The following CMC1 variants were observed in gnomAD, a reference collection of about 807,000 sequenced individuals.
The protein encoded by CMC1 is C-X9-C motif containing 1.
A neutral mutation model predicts 14.1 loss-of-function variants in CMC1; 14 were observed. The observed-to-expected ratio is 0.99, with a 90% CI of 0.66 to 1.55. The LOEUF (loss-of-function observed/expected upper bound fraction) is 1.55. Ranked by LOEUF, CMC1 falls within the 40% of genes most tolerant of loss-of-function variation. The probability of loss-of-function intolerance (pLI) is 0.00; values close to 1 mark genes in which losing one functional copy is unlikely to be tolerated. For missense variants in CMC1, 127 were observed against 123.8 expected (o/e 1.03, Z -0.12); for synonymous variants, 50 against 38.4 (o/e 1.30, Z -1.12).
chr3:28,253,070 T>C (rs1032575460), intron 1 of CMC1, among the ~76,000 whole-genome samples: 4 of 152,192 alleles, frequency 2.6e-5, no homozygotes, highest in Admixed American at 1.3e-4. Context: ...TTTTACTCTG[T>C]CGTTATAGCA....
chr3:28,305,773 A>G (rs1160929208), intron 2 of CMC1, among the ~76,000 whole-genome samples: 2 of 97,474 alleles, frequency 2.1e-5, no homozygotes, highest in African/African-American at 4.4e-5. Flanking sequence ...AGAGTTTTTC[A>G]TAGGAATTTT....
intron 2 of CMC1, among the ~76,000 whole-genome samples, chr3:28,279,715 A>C (rs916528674): frequency 2.0e-5 from 3 of 152,170 alleles, no homozygotes; most frequent in Non-Finnish European, 4.4e-5. Flanking sequence ...TCATAACCTA[A>C]AGATAGATCA....
intron 2 of CMC1, among the ~76,000 whole-genome samples, chr3:28,311,191 G>A (rs1313483196): frequency 6.6e-6 from 1 of 151,766 alleles, no homozygotes; most frequent in African/African-American, 2.4e-5. Flanking sequence ...AGGGATGGGT[G>A]GCTAGAATGT....
At chr3:28,263,016 G>T in intron 1 of CMC1, 1 of 290,194 alleles carries the variant, frequency 3.4e-6, no homozygotes. Flanking sequence ...TGACAAGATT[G>T]CATGGAATAT....
In CMC1 at chr3:28,281,624, T is replaced by G. The variant is rs959939267; in HGVS notation, c.109+18244T>G. ...GTCTGAGACTTGCTTTTGAGTACCT[T>G]ATTGTGTGGTTGATAAGAGACAAAC... On this transcript the variant is annotated intron_variant, in intron 2 of 3. Coordinates refer to ENST00000466830, the MANE Select transcript of CMC1 (RefSeq NM_182523.2). Among the ~76,000 whole-genome samples, 6 of 152,260 alleles carry G rather than the reference T, an allele frequency of 3.9e-5. No homozygotes were observed. The East Asian group carries it at 1.2e-3, about 29-fold the overall frequency.
At chr3:28,317,733 G>C (rs1171607923) in intron 3 of CMC1, 1 of 151,958 alleles carries the variant, frequency 6.6e-6, no homozygotes, top group African/African-American at 2.4e-5. Context: ...CCTTAGGCAG[G>C]CTCCTCATTG....
At chr3:28,275,431 G>A (rs1220744609) in intron 2 of CMC1, among the ~76,000 whole-genome samples, 2 of 146,316 alleles carry the variant, frequency 1.4e-5, no homozygotes, top group African/African-American at 5.1e-5. Context: ...TTTCCCTCCT[G>A]CATCTGAAGG....
chr3:28,263,287 TCAGACCA>T lies in CMC1; in HGVS notation c.20-3_23del. 1 of 1,587,866 alleles carries T rather than the reference TCAGACCA, an allele frequency of 6.3e-7. No individual in the cohort carries two copies. Among genetic ancestry groups the T allele is most frequent in the Admixed American group, 1.8e-5 (1 of 54,820 alleles). ...TTATTAAAGAAAGATCTTTTTTTTT[TCAGACCA>T]GCATCTCAGACATGTCGAAAAAGAT... On this transcript the variant is annotated splice_acceptor_variant and splice_polypyrimidine_tract_variant and coding_sequence_variant and intron_variant, in exon 2 of 4. Transcript: ENST00000466830. LOFTEE classifies it high-confidence loss of function.
At position 28,322,226 on chromosome 3, in the gene CMC1, T is replaced by C. The variant is rs546713295; in HGVS notation, c.*2597T>C. ...TGATAGCTATCATCACTGTACTGTT[T>C]AAATGGAAAATAATTTTCTCCACTC... On this transcript the variant is annotated 3_prime_UTR_variant, in exon 4 of 4. Transcript: ENST00000466830. 1 of 151,372 alleles carries C rather than the reference T, an allele frequency of 6.6e-6. No homozygotes were observed. Among genetic ancestry groups the C allele is most frequent in the African/African-American group, 2.4e-5 (1 of 41,460 alleles). 9.4% of individuals were successfully genotyped at this position (151,372 alleles called of 1,614,324 possible).
rs528334801 is a variant in CMC1 at position 28,293,837 on chromosome 3, C to T, written c.110-22496C>T. ...GCTCAAGCGATCCGACTGCCTCAGC[C>T]TCCCAAAATGTTGGGATTACAGGCA... On this transcript the variant is annotated intron_variant, in intron 2 of 3. Coordinates refer to ENST00000466830, the MANE Select transcript of CMC1 (RefSeq NM_182523.2). 2.2e-4 allele frequency among the ~76,000 whole-genome samples: 33 copies of T among 152,254 alleles called. 1 individual carries two copies. In the South Asian group the frequency reaches 6.8e-3, roughly 32 times the overall value.
intron 3 of CMC1, chr3:28,319,060 A>C (rs1034367467): frequency 2.9e-6 from 1 of 344,892 alleles, no homozygotes; most frequent in African/African-American, 2.2e-5. Flanking sequence ...TCCTGCATTA[A>C]TTTTTCCTCA....
chr3:28,254,809 A>G (rs1473409875), intron 1 of CMC1, among the ~76,000 whole-genome samples: 1 of 152,234 alleles, frequency 6.6e-6, no homozygotes, highest in African/African-American at 2.4e-5. Context: ...AATTTTGAAA[A>G]AATTTTGTAA....
chr3:28,305,732 C>T (rs1307902993), intron 2 of CMC1, among the ~76,000 whole-genome samples: 1 of 135,048 alleles, frequency 7.4e-6, no homozygotes, highest in Non-Finnish European at 1.6e-5. Context: ...AGATCTTAGT[C>T]ATAAATTTTT....
At chr3:28,254,838 C>A (rs1699309987) in intron 1 of CMC1, among the ~76,000 whole-genome samples, 2 of 152,144 alleles carry the variant, frequency 1.3e-5, no homozygotes, top group South Asian at 4.1e-4. Flanking sequence ...AATCCAATGT[C>A]TTCTAATCTG....
intron 2 of CMC1, among the ~76,000 whole-genome samples, chr3:28,282,032 T>TA (rs559105560): frequency 3.9e-5 from 6 of 152,024 alleles, no homozygotes; most frequent in Admixed American, 6.6e-5. Context: ...GATTTCTGGT[T>TA]AAAAAAAATC....
chr3:28,308,954 G>T (rs551490425), intron 2 of CMC1, among the ~76,000 whole-genome samples: 3 of 149,958 alleles, frequency 2.0e-5, no homozygotes, highest in African/African-American at 7.4e-5. Context: ...CTGCACTCCA[G>T]CCCGGCGACG....
intron 2 of CMC1, among the ~76,000 whole-genome samples, chr3:28,286,895 C>G (rs1379165728): frequency 6.6e-6 from 1 of 151,940 alleles, no homozygotes; most frequent in East Asian, 1.9e-4. Context: ...TCTGTTAGAG[C>G]CTGACTGGTC....
intron 2 of CMC1, among the ~76,000 whole-genome samples, chr3:28,278,803 C>A (rs1307892632): frequency 6.6e-6 from 1 of 152,142 alleles, no homozygotes; most frequent in Non-Finnish European, 1.5e-5. Context: ...TTATTCCCAA[C>A]CTAGTGTGTT....
At chr3:28,305,594 T>G (rs1450468728) in intron 2 of CMC1, among the ~76,000 whole-genome samples, 1 of 152,116 alleles carries the variant, frequency 6.6e-6, no homozygotes, top group African/African-American at 2.4e-5. Flanking sequence ...GATGCATAGT[T>G]TGCAAGTATT....
Sources: allele counts gnomAD v4.1 joint callset (sites outside exome capture counted in the v4.1 genomes callset), GRCh38; gene constraint gnomAD v4.1.1; transcripts MANE v1.5; gene names NCBI Gene and HGNC (gene_info 2026-07-23, HGNC 2026-07-21).